ANGPT1: variants seen among roughly 807,000 people sequenced by gnomAD.
ANGPT1 encodes the protein angiopoietin-1.
ANGPT1 carries 17 observed loss-of-function variants against 62.2 expected under a neutral mutation model. That is an observed-to-expected ratio of 0.27 (90% CI 0.19 to 0.41). The LOEUF is 0.41. ANGPT1 is among the 10% of genes least tolerant of loss of function. The probability of loss-of-function intolerance (pLI) is 1.00; values close to 1 mark genes in which losing one functional copy is unlikely to be tolerated. For synonymous variants in ANGPT1, 199 were observed against 198.9 expected, an observed-to-expected ratio of 1.00 and a Z score of 0.00; for missense variants, 478 against 594.9, an observed-to-expected ratio of 0.80 and a Z score of 2.04.
intron 1 of ANGPT1, among the ~76,000 whole-genome samples, chr8:107,478,731 A>G (rs1166866838): frequency 1.3e-5 from 2 of 152,164 alleles, no homozygotes; most frequent in Non-Finnish European, 2.9e-5. Flanking sequence ...ATGCCTACAA[A>G]TGCACAGTGA....
At chr8:107,278,918 A>G (rs1813929137) in intron 7 of ANGPT1, among the ~76,000 whole-genome samples, 1 of 152,192 alleles carries the variant, frequency 6.6e-6, no homozygotes, top group African/African-American at 2.4e-5. Context: ...AATTTCAAGC[A>G]TATGTTTTAA....
chr8:107,294,072 C>T (rs758677273), intron 5 of ANGPT1, 35 bp from the exon 6 acceptor site: 2 of 1,532,690 alleles, frequency 1.3e-6, no homozygotes, highest in South Asian at 1.1e-5. Flanking sequence ...GTAAAAAATA[C>T]TTCTACTTTA....
intron 3 of ANGPT1, among the ~76,000 whole-genome samples, chr8:107,329,177 G>A (rs1815362727): frequency 6.6e-6 from 1 of 151,986 alleles, no homozygotes; most frequent in South Asian, 2.1e-4. Flanking sequence ...ACATAAATAT[G>A]CACACTCTAT....
intron 1 of ANGPT1, among the ~76,000 whole-genome samples, chr8:107,393,136 AT>A (rs1435091894): frequency 2.6e-5 from 4 of 152,096 alleles, no homozygotes; most frequent in Admixed American, 6.6e-5. Flanking sequence ...CTTTTTCATG[AT>A]TTTTTTCCCA....
At chr8:107,495,392 A>T (rs1813066150) in intron 1 of ANGPT1, among the ~76,000 whole-genome samples, 1 of 152,184 alleles carries the variant, frequency 6.6e-6, no homozygotes, top group Non-Finnish European at 1.5e-5. Flanking sequence ...AACAATGCAA[A>T]CAAGAATCAA....
At chr8:107,259,292 C>A (rs921902987) in intron 8 of ANGPT1, among the ~76,000 whole-genome samples, 1 of 152,148 alleles carries the variant, frequency 6.6e-6, no homozygotes. Context: ...ACTTCAAGGT[C>A]ATACACCAGT....
chr8:107,477,738 T>C (rs1812568884), intron 1 of ANGPT1, among the ~76,000 whole-genome samples: 1 of 152,130 alleles, frequency 6.6e-6, no homozygotes, highest in African/African-American at 2.4e-5. Context: ...TTCCTTCTGT[T>C]TTATAACTTA....
intron 1 of ANGPT1, among the ~76,000 whole-genome samples, chr8:107,385,130 GTCGT>G (rs1399423160): frequency 4.7e-5 from 7 of 149,446 alleles, no homozygotes; most frequent in Middle Eastern, 3.4e-3. Flanking sequence ...GTTTTGGAAT[GTCGT>G]TTGTTTGTTT....
At position 107,345,427 on chromosome 8, in the gene ANGPT1, T is replaced by C. The variant is rs533101543; in HGVS notation, c.453+1515A>G. Among the ~76,000 whole-genome samples the C allele has an allele frequency of 1.1e-4, 16 of 152,158 alleles. No individual in the cohort carries two copies. The South Asian group carries it at 1.5e-3, about 14-fold the overall frequency. On this transcript the variant is annotated intron_variant, in intron 2 of 8. Transcript: ENST00000517746. ...GTGCTAACAATGGGACATTTTTTTTTCCCACAACTCCAACTGCTAGGTAGA... is the reference window on the plus strand; with the variant it reads ...GTGCTAACAATGGGACATTTTTTTTCCCCACAACTCCAACTGCTAGGTAGA...
chr8:107,305,288 C>G (rs1403300040), intron 4 of ANGPT1, among the ~76,000 whole-genome samples: 1 of 151,734 alleles, frequency 6.6e-6, no homozygotes, highest in African/African-American at 2.4e-5. Flanking sequence ...AACGGTAAAC[C>G]CATTTTTCTC....
In ANGPT1 at chr8:107,251,996, A is replaced by G. The variant is rs1284694260; in HGVS notation, c.1356T>C (p.Cys452=). 9 of 1,613,692 alleles carry G rather than the reference A, an allele frequency of 5.6e-6. No individual in the cohort carries two copies. The highest frequency in any genetic ancestry group is 7.6e-6 in the Non-Finnish European group (9 of 1,179,738). The change falls in exon 9 of 9, where the codon TGT becomes TGC. Residue 452 remains cysteine (C), a synonymous_variant. Coordinates refer to ENST00000517746, the MANE Select transcript of ANGPT1 (RefSeq NM_001146.5). Reference sequence around the variant, plus strand: ...ACATTCCATTTAGATTGGAGGGGCCACAAGCATCAAACCACCATCCTGAAA... The same window carrying G: ...ACATTCCATTTAGATTGGAGGGGCCGCAAGCATCAAACCACCATCCTGAAA... ...MLTGGWWFDA[C]GPSNLNGMFY... is the part of the protein sequence containing the mutation.
intron 2 of ANGPT1, among the ~76,000 whole-genome samples, chr8:107,343,074 A>C (rs1318714488): frequency 6.8e-6 from 1 of 146,238 alleles, no homozygotes; most frequent in African/African-American, 2.6e-5. Flanking sequence ...GGCTCAAGTC[A>C]TTTTTCCACC....
chr8:107,477,040 A>T (rs1812552253), intron 1 of ANGPT1, among the ~76,000 whole-genome samples: 1 of 152,106 alleles, frequency 6.6e-6, no homozygotes, highest in Admixed American at 6.6e-5. Flanking sequence ...GCATAATGCA[A>T]CCACAGAATC....
intron 1 of ANGPT1, among the ~76,000 whole-genome samples, chr8:107,433,660 T>C (rs557713206): frequency 3.3e-5 from 5 of 152,352 alleles, no homozygotes; most frequent in African/African-American, 1.2e-4. Flanking sequence ...TTAGCATCTA[T>C]CATAAGCCAG....
At chr8:107,318,331 T>G (rs1015046573) in intron 4 of ANGPT1, among the ~76,000 whole-genome samples, 1 of 152,214 alleles carries the variant, frequency 6.6e-6, no homozygotes. Flanking sequence ...TAGTTGTCCT[T>G]CTTAAAAGTA....
At chr8:107,356,541 C>T (rs1248454255) in intron 1 of ANGPT1, among the ~76,000 whole-genome samples, 1 of 152,052 alleles carries the variant, frequency 6.6e-6, no homozygotes. Flanking sequence ...TTTCTTTTGT[C>T]TCCTTTAATA....
chr8:107,408,923 A>T (rs1463328456), intron 1 of ANGPT1, among the ~76,000 whole-genome samples: 3 of 152,366 alleles, frequency 2.0e-5, no homozygotes, highest in African/African-American at 7.2e-5. Flanking sequence ...TCACTTAAAA[A>T]GTATTACAGG....
At chr8:107,448,361 C>T (rs911838496) in intron 1 of ANGPT1, among the ~76,000 whole-genome samples, 1 of 152,110 alleles carries the variant, frequency 6.6e-6, no homozygotes, top group African/African-American at 2.4e-5. Context: ...ATTGACAGAA[C>T]AAATTAATTC....
At chr8:107,317,114 G>A (rs2130042406) in intron 4 of ANGPT1, among the ~76,000 whole-genome samples, 1 of 152,284 alleles carries the variant, frequency 6.6e-6, no homozygotes, top group East Asian at 1.9e-4. Context: ...TTCTCTGTGA[G>A]CTTTGCTCGG....
Sources: gnomAD v4.1 joint callset for allele counts (sites outside exome capture counted in the v4.1 genomes callset) on GRCh38, gnomAD v4.1.1 for gene constraint, MANE v1.5 for transcripts, NCBI Gene and HGNC (gene_info 2026-07-23, HGNC 2026-07-21) for gene names.